BLOC1S5: variants seen among roughly 807,000 people sequenced by gnomAD.
BLOC1S5 encodes biogenesis of lysosomal organelles complex 1 subunit 5.
A neutral mutation model predicts 24.3 loss-of-function variants in BLOC1S5; 27 were observed. The ratio of observed to expected loss-of-function variants is 1.11; its 90% confidence interval spans 0.82 to 1.53. The LOEUF (loss-of-function observed/expected upper bound fraction) is 1.53. Ranked by LOEUF, BLOC1S5 falls within the 40% of genes most tolerant of loss-of-function variation. The pLI is 0.00. For synonymous variants in BLOC1S5, 84 were observed against 74.5 expected (o/e 1.13, Z -0.66); for missense variants, 239 against 229.4 (o/e 1.04, Z -0.27).
rs145934767 is a variant in BLOC1S5 at position 8,053,000 on chromosome 6, T to C, written c.195+9534A>G. Among the ~76,000 whole-genome samples the C allele has an allele frequency of 3.3e-3, 507 of 152,188 alleles. 3 individuals carry two copies. The highest frequency in any genetic ancestry group is 0.031 in the East Asian group (158 of 5,180). On this transcript the variant is annotated intron_variant, in intron 2 of 4. Transcript: ENST00000397457. ...CTGCTTCTTATGGATGAGCAAAGAA[T>C]GCAGTTCCTTGAGATGGAATCTACT... is the stretch of plus-strand genomic sequence containing the variant.
intron 4 of BLOC1S5, 88 bp downstream of exon 4, chr6:8,026,279 A>G: frequency 1.8e-6 from 2 of 1,089,056 alleles, no homozygotes; most frequent in Non-Finnish European, 2.8e-6. Context: ...CACTGCATTC[A>G]GAGAATTTTC....
At chr6:8,054,162 C>T in intron 2 of BLOC1S5, 2 of 374,700 alleles carry the variant, frequency 5.3e-6, no homozygotes, top group Non-Finnish European at 1.0e-5. Context: ...TCTCTTTTCC[C>T]AGCTTTTCCC....
At chr6:8,041,769 GC>G (rs1561864345) in intron 2 of BLOC1S5, 1 of 149,816 alleles carries the variant, frequency 6.7e-6, no homozygotes, top group Non-Finnish European at 1.5e-5. Flanking sequence ...GCCTCAGCCT[GC>G]CGAGTAGCTG....
chr6:8,052,812 G>A (rs1020958464), intron 2 of BLOC1S5, among the ~76,000 whole-genome samples: 2 of 151,454 alleles, frequency 1.3e-5, no homozygotes, highest in East Asian at 1.9e-4. Context: ...GGAGAACGGC[G>A]TGAGCCCAGG....
chr6:8,019,511 C>T (rs1024159028), intron 4 of BLOC1S5, among the ~76,000 whole-genome samples: 5 of 151,972 alleles, frequency 3.3e-5, no homozygotes, highest in Non-Finnish European at 5.9e-5. Flanking sequence ...TCAGGTGATC[C>T]GCCCACCTCC....
intron 4 of BLOC1S5, among the ~76,000 whole-genome samples, chr6:8,016,638 G>A (rs1450458128): frequency 2.0e-5 from 3 of 151,854 alleles, no homozygotes; most frequent in Admixed American, 6.6e-5. Context: ...AAGCTGAGGC[G>A]GGCAGATCAC....
In BLOC1S5 at chr6:8,013,699, C is replaced by T. The variant is rs887961215; in HGVS notation, c.*1950G>A. 6 of 152,184 alleles carry T rather than the reference C, an allele frequency of 3.9e-5. No homozygotes were observed. The highest frequency in any genetic ancestry group is 3.3e-4 in the Admixed American group (5 of 15,274). 9.4% of individuals were successfully genotyped at this position (152,184 alleles called of 1,614,324 possible). A position where few individuals can be genotyped will look rare whatever the true frequency, so the allele number is the denominator to read the frequency against. ...ATCTTAATTTCTTGGTTACAGCATT[C>T]GTTCAATGATGTGTTGGCAATTAAT... is the stretch of plus-strand genomic sequence containing the variant. On this transcript the variant is annotated 3_prime_UTR_variant, in exon 5 of 5. Coordinates refer to ENST00000397457, the MANE Select transcript of BLOC1S5 (RefSeq NM_201280.3).
chr6:8,017,443 T>G (rs1271661913), intron 4 of BLOC1S5, among the ~76,000 whole-genome samples: 1 of 152,114 alleles, frequency 6.6e-6, no homozygotes, highest in South Asian at 2.1e-4. Context: ...AATTTTGGCA[T>G]GTTAATTCCA....
At chr6:8,021,858 G>T (rs1455882208) in intron 4 of BLOC1S5, among the ~76,000 whole-genome samples, 2 of 152,054 alleles carry the variant, frequency 1.3e-5, no homozygotes, top group African/African-American at 4.8e-5. Context: ...AAAATGAAGA[G>T]AATTTATTAA....
At chr6:8,019,269 CTTTTTT>C (rs3030896) in intron 4 of BLOC1S5, among the ~76,000 whole-genome samples, 1 of 138,752 alleles carries the variant, frequency 7.2e-6, no homozygotes, top group African/African-American at 2.6e-5. Flanking sequence ...GGCATTCTTA[CTTTTTT>C]TTTTTTTTTT....
chr6:8,040,814 C>G (rs1281655602), intron 3 of BLOC1S5, among the ~76,000 whole-genome samples: 1 of 151,860 alleles, frequency 6.6e-6, no homozygotes, highest in Admixed American at 6.6e-5. Context: ...TGAGATTGCA[C>G]CACTGCACTC....
intron 3 of BLOC1S5, among the ~76,000 whole-genome samples, chr6:8,036,592 T>G (rs58403377): frequency 0.039 from 5,954 of 152,180 alleles, 369 homozygotes; most frequent in African/African-American, 0.13. Context: ...CAGCAAACAT[T>G]TAAAGAAGAA....
rs144616798 is a variant in BLOC1S5, at chr6:8,016,637, C to G, written c.385-809G>C. Among the ~76,000 whole-genome samples, 1,372 of 151,952 alleles carry G rather than the reference C, an allele frequency of 9.0e-3. 22 individuals carry two copies. Among genetic ancestry groups the G allele is most frequent in the African/African-American group, 0.032 (1,307 of 41,432 alleles). On this transcript the variant is annotated intron_variant, in intron 4 of 4. Transcript: ENST00000397457. ...ATCCCAGCATTTTGGGAAGCTGAGGCGGGCAGATCACCTGAGGTCAGGAGT... is the reference window on the plus strand; with the variant it reads ...ATCCCAGCATTTTGGGAAGCTGAGGGGGGCAGATCACCTGAGGTCAGGAGT...
intron 4 of BLOC1S5, among the ~76,000 whole-genome samples, chr6:8,016,876 C>CAAAA (rs36179729): frequency 0.13 from 12,511 of 97,076 alleles, 1,249 homozygotes; most frequent in South Asian, 0.24. Context: ...TACTCTATCT[C>CAAAA]AAAAAAAAAA....
chr6:8,052,224 C>G (rs1487325784), intron 2 of BLOC1S5, among the ~76,000 whole-genome samples: 1 of 152,106 alleles, frequency 6.6e-6, no homozygotes, highest in African/African-American at 2.4e-5. Context: ...GCCTCGGCCT[C>G]CCAAAGTGCT....
intron 4 of BLOC1S5, among the ~76,000 whole-genome samples, chr6:8,023,402 C>G (rs1307599959): frequency 6.6e-6 from 1 of 152,182 alleles, no homozygotes; most frequent in South Asian, 2.1e-4. Flanking sequence ...CCAGCCTGAC[C>G]AACATGGTGA....
chr6:8,035,802 C>T (rs1299710064), intron 3 of BLOC1S5, among the ~76,000 whole-genome samples: 1 of 152,050 alleles, frequency 6.6e-6, no homozygotes, highest in Non-Finnish European at 1.5e-5. Context: ...CTTCAACATC[C>T]CATTCTTAGT....
intron 4 of BLOC1S5, among the ~76,000 whole-genome samples, chr6:8,025,826 T>C (rs2113527206): frequency 6.6e-6 from 1 of 152,364 alleles, no homozygotes; most frequent in Non-Finnish European, 1.5e-5. Flanking sequence ...AAACACTTTA[T>C]GAAAATTGCA....
At chr6:8,050,696 A>G (rs1764079742) in intron 2 of BLOC1S5, among the ~76,000 whole-genome samples, 1 of 150,376 alleles carries the variant, frequency 6.6e-6, no homozygotes, top group Non-Finnish European at 1.5e-5. Context: ...TCTGCCGCCC[A>G]GGTTCAGGCA....
Sources: gnomAD v4.1 joint callset for allele counts (sites outside exome capture counted in the v4.1 genomes callset) on GRCh38, gnomAD v4.1.1 for gene constraint, MANE v1.5 for transcripts, NCBI Gene and HGNC (gene_info 2026-07-23, HGNC 2026-07-21) for gene names.